PIP4K2A: variants seen among roughly 807,000 people sequenced by gnomAD.
PIP4K2A encodes the protein phosphatidylinositol-5-phosphate 4-kinase type 2 alpha.
A neutral mutation model predicts 42.9 loss-of-function variants in PIP4K2A; 14 were observed. That is an observed-to-expected ratio of 0.33 (90% CI 0.22 to 0.51). The LOEUF is 0.51. Ranked by LOEUF, PIP4K2A falls within the 20% of genes least tolerant of loss-of-function variation. The probability of loss-of-function intolerance (pLI) is 0.97; values close to 1 mark genes in which losing one functional copy is unlikely to be tolerated. For missense variants in PIP4K2A, 434 were observed against 519.8 expected, an observed-to-expected ratio of 0.83 and a Z score of 1.61; for synonymous variants, 192 against 192.2, an observed-to-expected ratio of 1.00 and a Z score of 0.01.
chr10:22,587,488 C>A (rs565998973), intron 4 of PIP4K2A, among the ~76,000 whole-genome samples: 1 of 152,144 alleles, frequency 6.6e-6, no homozygotes, highest in Non-Finnish European at 1.5e-5. Context: ...AGATACAAAC[C>A]CTAAAAGTAC....
chr10:22,712,821 G>A (rs183530922), intron 1 of PIP4K2A, among the ~76,000 whole-genome samples: 2 of 152,196 alleles, frequency 1.3e-5, no homozygotes, highest in East Asian at 3.9e-4. Flanking sequence ...GATCGATCCT[G>A]ATACTGTTTT....
intron 1 of PIP4K2A, among the ~76,000 whole-genome samples, chr10:22,612,688 T>C (rs1235770019): frequency 2.6e-5 from 4 of 151,962 alleles, no homozygotes; most frequent in African/African-American, 4.8e-5. Context: ...ACTAGAAATG[T>C]AGGGAAAGAT....
intron 1 of PIP4K2A, among the ~76,000 whole-genome samples, chr10:22,684,637 A>G (rs1173574555): frequency 6.6e-6 from 1 of 152,200 alleles, no homozygotes; most frequent in African/African-American, 2.4e-5. Flanking sequence ...AATGTCCAGT[A>G]TCAGCTCGAG....
At chr10:22,653,102 G>A (rs1024555239) in intron 1 of PIP4K2A, among the ~76,000 whole-genome samples, 3 of 151,808 alleles carry the variant, frequency 2.0e-5, no homozygotes, top group Admixed American at 1.3e-4. Context: ...AAGAAAGAAG[G>A]GTTTATGAGA....
Position 22,592,729 on chromosome 10 carries a change from G to C in PIP4K2A, c.340-948C>G, listed in dbSNP as rs116709344. On this transcript the variant is annotated intron_variant, in intron 3 of 9. Transcript: ENST00000376573. ...AGCCTCCTCCTTGCCCCAACCTCTTGACAATGGCCGTCCAGCCATGGGGTC... is the reference window on the plus strand; with the variant it reads ...AGCCTCCTCCTTGCCCCAACCTCTTCACAATGGCCGTCCAGCCATGGGGTC... Among the ~76,000 whole-genome samples the C allele has an allele frequency of 5.4e-3, 815 of 152,208 alleles. 10 individuals carry two copies. The highest frequency in any genetic ancestry group is 0.019 in the African/African-American group (771 of 41,510).
chr10:22,565,812 C>T (rs533545163), intron 6 of PIP4K2A, among the ~76,000 whole-genome samples: 22 of 135,988 alleles, frequency 1.6e-4, no homozygotes, highest in East Asian at 1.3e-3. Context: ...AGAGAATACG[C>T]GCCTGGAGAT....
In PIP4K2A at chr10:22,656,152, T is replaced by C. The variant is rs1839095981; in HGVS notation, c.145-46435A>G. Reference sequence around the variant, plus strand: ...AATTACTCCTAAGTGTTTCATCTCATGTTATTGTTTCCTCATGGATGAGTT... The same window carrying C: ...AATTACTCCTAAGTGTTTCATCTCACGTTATTGTTTCCTCATGGATGAGTT... On this transcript the variant is annotated intron_variant, in intron 1 of 9. Coordinates refer to ENST00000376573, the MANE Select transcript of PIP4K2A (RefSeq NM_005028.5). Among the ~76,000 whole-genome samples the C allele has an allele frequency of 1.3e-5, 2 of 152,222 alleles. 1 individual carries two copies. The highest frequency in any genetic ancestry group is 4.1e-4 in the South Asian group (2 of 4,834).
At chr10:22,595,862 G>A (rs1004215242) in intron 3 of PIP4K2A, among the ~76,000 whole-genome samples, 2 of 152,110 alleles carry the variant, frequency 1.3e-5, no homozygotes, top group African/African-American at 4.8e-5. Context: ...AGCTTGGGGA[G>A]AGAACAGGCT....
At chr10:22,545,429 C>T (rs1183523814) in intron 7 of PIP4K2A, among the ~76,000 whole-genome samples, 3 of 152,216 alleles carry the variant, frequency 2.0e-5, no homozygotes, top group South Asian at 2.1e-4. Context: ...ACTGGCCAGC[C>T]GCACTCACCA....
intron 1 of PIP4K2A, among the ~76,000 whole-genome samples, chr10:22,659,399 C>A (rs967011367): frequency 6.6e-6 from 1 of 152,162 alleles, no homozygotes; most frequent in Non-Finnish European, 1.5e-5. Context: ...TTGAGACCGG[C>A]CTAGCCAATA....
Position 22,664,086 on chromosome 10 carries a change from T to C in PIP4K2A, c.144+50097A>G, listed in dbSNP as rs1422771227. 2.0e-3 allele frequency among the ~76,000 whole-genome samples: 147 copies of C among 73,342 alleles called. 5 individuals are homozygous for C. The highest frequency in any genetic ancestry group is 3.4e-3 in the African/African-American group (31 of 9,194). The allele number at this position is 73,342 out of a possible 152,430, so 48.1% of individuals were successfully genotyped here. A position where few individuals can be genotyped will look rare whatever the true frequency, so the allele number is the denominator to read the frequency against. ...ACATATATATATATACGTATATATA[T>C]ATACATATATATATATACATATATA... On this transcript the variant is annotated intron_variant, in intron 1 of 9. Transcript: ENST00000376573.
chr10:22,652,358 T>A (rs1279173689), intron 1 of PIP4K2A, among the ~76,000 whole-genome samples: 1 of 152,102 alleles, frequency 6.6e-6, no homozygotes, highest in East Asian at 1.9e-4. Context: ...TGACCTCAAG[T>A]GATCCGCCTG....
At chr10:22,662,686 A>G (rs774823689) in intron 1 of PIP4K2A, among the ~76,000 whole-genome samples, 5 of 151,772 alleles carry the variant, frequency 3.3e-5, no homozygotes, top group Non-Finnish European at 7.4e-5. Context: ...GGTTGAAAAA[A>G]CTCACAGGCA....
intron 1 of PIP4K2A, among the ~76,000 whole-genome samples, chr10:22,690,601 ACAAATAC>A (rs1295243373): frequency 6.6e-6 from 1 of 152,232 alleles, no homozygotes; most frequent in Non-Finnish European, 1.5e-5. Flanking sequence ...TTCAAAGAGC[ACAAATAC>A]CAAAGAAGGG....
At chr10:22,603,999 ACGCG>A (rs1837851012) in intron 3 of PIP4K2A, among the ~76,000 whole-genome samples, 1 of 104,510 alleles carries the variant, frequency 9.6e-6, no homozygotes. Context: ...GCGAGCACAC[ACGCG>A]CGCACGCACA....
chr10:22,685,539 AAAC>A (rs1839747624), intron 1 of PIP4K2A, among the ~76,000 whole-genome samples: 1 of 150,478 alleles, frequency 6.6e-6, no homozygotes, highest in Admixed American at 6.6e-5. Context: ...TATAAAAAAC[AAAC>A]AAACAAACAA....
At chr10:22,628,794 G>A (rs1247318189) in intron 1 of PIP4K2A, among the ~76,000 whole-genome samples, 1 of 152,222 alleles carries the variant, frequency 6.6e-6, no homozygotes, top group Non-Finnish European at 1.5e-5. Flanking sequence ...ATATCATGCA[G>A]ATGAAGCCTT....
At chr10:22,623,291 G>T (rs566377512) in intron 1 of PIP4K2A, among the ~76,000 whole-genome samples, 1 of 152,184 alleles carries the variant, frequency 6.6e-6, no homozygotes, top group African/African-American at 2.4e-5. Flanking sequence ...CTGTAATGGT[G>T]AGCTTCCGTA....
At chr10:22,577,099 A>T (rs958121227) in intron 4 of PIP4K2A, among the ~76,000 whole-genome samples, 1 of 138,458 alleles carries the variant, frequency 7.2e-6, no homozygotes, top group Non-Finnish European at 1.6e-5. Context: ...AAAAAAAAAA[A>T]GTATTCATAG....
Sources: allele counts gnomAD v4.1 joint callset (sites outside exome capture counted in the v4.1 genomes callset), GRCh38; gene constraint gnomAD v4.1.1; transcripts MANE v1.5; gene names NCBI Gene and HGNC (gene_info 2026-07-23, HGNC 2026-07-21).